BARD1: variants seen among roughly 807,000 people sequenced by gnomAD.
BARD1 encodes the protein BRCA1-associated RING domain protein 1.
In BARD1, 73 loss-of-function variants were observed where a neutral mutation model predicts 77.0. The ratio of observed to expected loss-of-function variants is 0.95; its 90% CI spans 0.79 to 1.15. BARD1 has a LOEUF of 1.15. BARD1 is among the 50% of genes most tolerant of loss of function. BARD1 has a pLI of 0.00. For missense variants in BARD1, 993 were observed against 938.8 expected, an observed-to-expected ratio of 1.06 and a Z score of -0.75; for synonymous variants, 384 against 338.0, an observed-to-expected ratio of 1.14 and a Z score of -1.49.
At chr2:214,765,235 C>A (rs1694142911) in intron 6 of BARD1, among the ~76,000 whole-genome samples, 1 of 152,114 alleles carries the variant, frequency 6.6e-6, no homozygotes, top group African/African-American at 2.4e-5. Context: ...AACAGATATA[C>A]CTAAATTTGC....
At chr2:214,736,759 T>A (rs1227826756) in intron 9 of BARD1, among the ~76,000 whole-genome samples, 1 of 152,102 alleles carries the variant, frequency 6.6e-6, no homozygotes, top group South Asian at 2.1e-4. Flanking sequence ...GGTACTTCCA[T>A]GAGAAGGAGC....
At position 214,769,267 on chromosome 2, in the gene BARD1, G is replaced by C. The variant is rs730881408; in HGVS notation, c.1360C>G (p.Pro454Ala). 28 of 1,613,632 alleles carry C rather than the reference G, an allele frequency of 1.7e-5. No homozygotes were observed. Among genetic ancestry groups the C allele is most frequent in the Non-Finnish European group, 2.4e-5 (28 of 1,179,738 alleles). Reference protein sequence around the residue: ...VEYLLQNGSDPNVKDHAGWTP... With the variant: ...VEYLLQNGSDANVKDHAGWTP... ...CATCCAGCATGGTCTTTAACATTTG[G>C]ATCACTTCCATTTTGTAAAAGGTAT... Residue 454 changes from proline to alanine, a missense_variant, in exon 5 of 11, where the codon CCA (proline) becomes GCA (alanine). Coordinates refer to ENST00000260947, the MANE Select transcript of BARD1 (RefSeq NM_000465.4).
intron 9 of BARD1, among the ~76,000 whole-genome samples, chr2:214,734,328 A>G (rs1414253003): frequency 6.6e-6 from 1 of 152,120 alleles, no homozygotes; most frequent in Non-Finnish European, 1.5e-5. Context: ...TAAATATGGA[A>G]AGAAAAAGTA....
chr2:214,746,735 T>C (rs1206158423), intron 7 of BARD1, among the ~76,000 whole-genome samples: 1 of 152,096 alleles, frequency 6.6e-6, no homozygotes, highest in Admixed American at 6.6e-5. Flanking sequence ...CACATAGACC[T>C]AAAACCATTA....
chr2:214,745,607 TATACAGCCATCTCCC>T, intron 8 of BARD1, 100 bp downstream of exon 8: 2 of 1,306,566 alleles, frequency 1.5e-6, no homozygotes. Context: ...AGATGCAAAG[TATACAGCCATCTCCC>T]AATGGTTAAA....
At chr2:214,781,573 G>A (rs542691952) in intron 3 of BARD1, 64 bp from the exon 4 acceptor site, 31 of 1,363,010 alleles carry the variant, frequency 2.3e-5, no homozygotes, top group African/African-American at 1.2e-4. Flanking sequence ...TGGAGCTCCC[G>A]AAGAATTTTG....
At chr2:214,809,287 G>A (rs1696440658) in intron 1 of BARD1, 125 bp downstream of exon 1, 2 of 1,406,646 alleles carry the variant, frequency 1.4e-6, no homozygotes, top group Non-Finnish European at 1.9e-6. Flanking sequence ...GGTGCTAACC[G>A]CACGCCGACC....
rs59814038 is a variant in BARD1, at chr2:214,771,943, A to AAAAAAAAAAAAG, written c.1315-2632_1315-2631insCTTTTTTTTTTT. Reference sequence around the variant, plus strand: ...TTTCAGGAAAAAAAAAAAAAAAAAAAGCAACATTTTCCCAGATTTCTTAAC... The same window carrying AAAAAAAAAAAAG: ...TTTCAGGAAAAAAAAAAAAAAAAAAAAAAAAAAAAAAGGCAACATTTTCCCAGATTTCTTAAC... On this transcript the variant is annotated intron_variant, in intron 4 of 10. Coordinates refer to ENST00000260947, the MANE Select transcript of BARD1 (RefSeq NM_000465.4). Among the ~76,000 whole-genome samples, 56 of 143,398 alleles carry AAAAAAAAAAAAG rather than the reference A, an allele frequency of 3.9e-4. 2 individuals are homozygous for AAAAAAAAAAAAG. The highest frequency in any genetic ancestry group is 3.7e-3 in the Middle Eastern group (1 of 270). The allele number at this position is 143,398 out of a possible 152,430, so 94.1% of individuals were successfully genotyped here.
intron 9 of BARD1, among the ~76,000 whole-genome samples, chr2:214,733,343 TTA>T (rs1223424822): frequency 1.3e-5 from 2 of 152,214 alleles, no homozygotes; most frequent in Non-Finnish European, 2.9e-5. Context: ...AGAAATTCAT[TTA>T]TGTTTCATAT....
At chr2:214,808,955 A>C (rs1244571355) in intron 1 of BARD1, among the ~76,000 whole-genome samples, 2 of 152,232 alleles carry the variant, frequency 1.3e-5, no homozygotes, top group Non-Finnish European at 1.5e-5. Context: ...AGGCCAGTTT[A>C]ACTTAGAGTG....
At chr2:214,765,060 A>C (rs1694133263) in intron 6 of BARD1, among the ~76,000 whole-genome samples, 1 of 152,338 alleles carries the variant, frequency 6.6e-6, no homozygotes, top group South Asian at 2.1e-4. Context: ...CACAGTAGTC[A>C]CTGGCACATA....
At chr2:214,751,847 C>T (rs1333344422) in intron 7 of BARD1, among the ~76,000 whole-genome samples, 11 of 152,154 alleles carry the variant, frequency 7.2e-5, no homozygotes, top group South Asian at 2.1e-4. Flanking sequence ...CCGAAAGTCC[C>T]GTTTTGATGC....
intron 2 of BARD1, among the ~76,000 whole-genome samples, chr2:214,793,581 C>T (rs1056358252): frequency 1.2e-4 from 18 of 152,278 alleles, no homozygotes; most frequent in Admixed American, 9.2e-4. Flanking sequence ...CAGTAAAATA[C>T]AATCTGAAAT....
In BARD1 at chr2:214,728,682, G is replaced by A. The variant is rs863224673; in HGVS notation, c.2328C>T (p.Asp776=). The A allele has an allele frequency of 2.5e-6, 4 of 1,613,990 alleles. No individual in the cohort carries two copies. In the Admixed American group the frequency reaches 6.7e-5, roughly 27 times the overall value. The change falls in exon 11 of 11, where the codon GAC becomes GAT. Residue 776 remains aspartate (D), a synonymous_variant. Coordinates refer to ENST00000260947, the MANE Select transcript of BARD1 (RefSeq NM_000465.4). The stretch of plus-strand genomic sequence containing the variant: ...TGTTCATCTGGTATAATATTCAGCT[G>A]TCAAGAGGAAGCAACTCAAAGGACA... ...CVMSFELLPL[D]S
chr2:214,746,067 T>C (rs1440789936), intron 7 of BARD1, among the ~76,000 whole-genome samples: 2 of 152,194 alleles, frequency 1.3e-5, no homozygotes, highest in Admixed American at 1.3e-4. Flanking sequence ...GATAGCTCTC[T>C]ATACCCAGGG....
intron 4 of BARD1, among the ~76,000 whole-genome samples, chr2:214,774,253 A>G (rs1190522421): frequency 6.6e-6 from 1 of 152,200 alleles, no homozygotes; most frequent in African/African-American, 2.4e-5. Flanking sequence ...TAACATTTGG[A>G]CATCCTCCCA....
intron 9 of BARD1, 129 bp from the exon 10 acceptor site, chr2:214,730,637 G>A: frequency 1.3e-6 from 1 of 743,152 alleles, no homozygotes; most frequent in Non-Finnish European, 2.3e-6. Context: ...ATTCTAAAAT[G>A]CAAACAGAAA....
At chr2:214,738,350 C>G (rs974022020) in intron 9 of BARD1, among the ~76,000 whole-genome samples, 5 of 152,028 alleles carry the variant, frequency 3.3e-5, no homozygotes, top group African/African-American at 1.2e-4. Context: ...TTCTAAAGTA[C>G]TGATTAACCC....
At chr2:214,767,702 C>T (rs768117229) in intron 5 of BARD1, 48 bp from the exon 6 acceptor site, 1 of 1,521,334 alleles carries the variant, frequency 6.6e-7, no homozygotes, top group Non-Finnish European at 9.1e-7. Flanking sequence ...TAAGAAAGAG[C>T]AATGGATGAT....
Sources: allele counts gnomAD v4.1 joint callset (sites outside exome capture counted in the v4.1 genomes callset), GRCh38; gene constraint gnomAD v4.1.1; transcripts MANE v1.5; gene names NCBI Gene and HGNC (gene_info 2026-07-23, HGNC 2026-07-21).